RARB: variants seen among roughly 807,000 people sequenced by gnomAD.
RARB encodes retinoic acid receptor beta, also known as HBV-activated protein.
Under a neutral mutation model 51.9 loss-of-function variants are expected in RARB, and 17 were observed. The observed-to-expected ratio is 0.33, with a 90% CI of 0.22 to 0.49. RARB has a LOEUF of 0.49. RARB is among the 20% of genes least tolerant of loss of function. The pLI is 0.99. For missense variants in RARB, 369 were observed against 550.8 expected (o/e 0.67, Z 3.30); for synonymous variants, 215 against 195.4 (o/e 1.10, Z -0.84).
intron 5 of RARB, chr3:25,174,621 T>A: frequency 7.5e-7 from 1 of 1,335,362 alleles, no homozygotes; most frequent in South Asian, 1.1e-5. Flanking sequence ...GTTGATTGGA[T>A]GAAGGGACCT....
chr3:25,159,792 C>T (rs1056229283), intron 4 of RARB, among the ~76,000 whole-genome samples: 1 of 152,156 alleles, frequency 6.6e-6, no homozygotes, highest in African/African-American at 2.4e-5. Context: ...CTTAAAATGT[C>T]ATTTCCTAAT....
chr3:25,108,056 A>C (rs1603983), intron 3 of RARB, among the ~76,000 whole-genome samples: 115,950 of 152,034 alleles, frequency 0.76, 44,464 homozygotes, highest in East Asian at 0.87. Flanking sequence ...CTGATCACCG[A>C]GCTCTATTAA....
chr3:25,181,775 T>G (rs1700866228), intron 5 of RARB, among the ~76,000 whole-genome samples: 1 of 152,172 alleles, frequency 6.6e-6, no homozygotes, highest in Non-Finnish European at 1.5e-5. Flanking sequence ...AAGTCAGTAG[T>G]AGGTTGATCT....
intron 5 of RARB, among the ~76,000 whole-genome samples, chr3:25,246,271 C>T (rs1702558433): frequency 6.6e-6 from 1 of 152,016 alleles, no homozygotes; most frequent in African/African-American, 2.4e-5. Context: ...GAACATGCTC[C>T]TTTAGCACGG....
intron 2 of RARB, among the ~76,000 whole-genome samples, chr3:25,461,930 AG>A (rs1383940593): frequency 6.6e-6 from 1 of 152,238 alleles, no homozygotes; most frequent in African/African-American, 2.4e-5. Context: ...ACTGGTTGGA[AG>A]AATCTTGAAA....
In RARB at chr3:25,315,674, C is replaced by T. The variant is rs1159163414; in HGVS notation, c.178+141099C>T. Among the ~76,000 whole-genome samples, 5 of 152,114 alleles carry T rather than the reference C, an allele frequency of 3.3e-5. No individual in the cohort carries two copies. The South Asian group carries it at 6.2e-4, about 19-fold the overall frequency. On this transcript the variant is annotated intron_variant, in intron 5 of 11. Coordinates refer to the RARB transcript ENST00000383772. Reference sequence around the variant, plus strand: ...TGTCGCCCAGGCTGGAGTACAGTGCCGCAGTCTCAGCTCACTGCAACCTCT... The same window carrying T: ...TGTCGCCCAGGCTGGAGTACAGTGCTGCAGTCTCAGCTCACTGCAACCTCT...
At chr3:25,554,397 G>A (rs561772400) in intron 3 of RARB, among the ~76,000 whole-genome samples, 4 of 151,950 alleles carry the variant, frequency 2.6e-5, no homozygotes, top group Admixed American at 1.3e-4. Flanking sequence ...GGTTAAACCC[G>A]GCCCACTGCT....
In RARB at chr3:25,258,993, C is replaced by T. The variant is rs193063443; in HGVS notation, c.178+84418C>T. On this transcript the variant is annotated intron_variant, in intron 5 of 11. Transcript: ENST00000383772. ...ACCTCAGCCTGAGTTTTGCTGGGGA[C>T]AAACCATAGTATATGGTGTCTGAGA... 7.0e-5 allele frequency: 68 copies of T among 968,022 alleles called. 1 individual carries two copies. The Admixed American group carries it at 2.2e-3, about 32-fold the overall frequency. The allele number at this position is 968,022 out of a possible 1,614,324, so 60.0% of individuals were successfully genotyped here.
chr3:25,439,067 A>C (rs936852072), intron 1 of RARB, among the ~76,000 whole-genome samples: 6 of 152,168 alleles, frequency 3.9e-5, no homozygotes, highest in African/African-American at 1.4e-4. Flanking sequence ...AGAAGATGAG[A>C]GATGGGAAAC....
intron 5 of RARB, among the ~76,000 whole-genome samples, chr3:25,260,479 G>A (rs988246405): frequency 5.3e-5 from 8 of 151,988 alleles, no homozygotes; most frequent in Admixed American, 1.3e-4. Context: ...CCTCCAAAGG[G>A]CAGAAGAAAA....
chr3:25,041,479 T>C (rs1698113381), intron 2 of RARB, among the ~76,000 whole-genome samples: 1 of 151,946 alleles, frequency 6.6e-6, no homozygotes. Context: ...CTGACATCCT[T>C]AGTGGACGGA....
chr3:25,029,021 T>A (rs1010872260), intron 2 of RARB, among the ~76,000 whole-genome samples: 2 of 152,224 alleles, frequency 1.3e-5, no homozygotes, highest in Admixed American at 1.3e-4. Context: ...GATGGGAGTA[T>A]TCCTTTCCAA....
chr3:25,199,077 G>A (rs1701318221), intron 5 of RARB, among the ~76,000 whole-genome samples: 1 of 152,140 alleles, frequency 6.6e-6, no homozygotes, highest in African/African-American at 2.4e-5. Flanking sequence ...TAAAGGAAAT[G>A]TGGTATGTAT....
At chr3:25,190,992 C>G (rs1428274931) in intron 5 of RARB, among the ~76,000 whole-genome samples, 1 of 151,724 alleles carries the variant, frequency 6.6e-6, no homozygotes, top group African/African-American at 2.4e-5. Context: ...CGCCCATCAT[C>G]TAACTCTTTT....
intron 1 of RARB, among the ~76,000 whole-genome samples, chr3:25,437,632 C>G (rs942778804): frequency 3.9e-4 from 59 of 152,208 alleles, no homozygotes; most frequent in Non-Finnish European, 1.5e-5. Flanking sequence ...GAACTAAGAA[C>G]TGCCAAGAAC....
chr3:25,081,074 A>G (rs1042261235), intron 3 of RARB, among the ~76,000 whole-genome samples: 2 of 152,064 alleles, frequency 1.3e-5, no homozygotes. Flanking sequence ...TCTCATGGTG[A>G]AAATTTAGAT....
Position 25,528,465 on chromosome 3 carries a change from C to T in RARB, c.448+27142C>T, listed in dbSNP as rs142423375. On this transcript the variant is annotated intron_variant, in intron 3 of 7. Coordinates refer to ENST00000330688, the MANE Select transcript of RARB (RefSeq NM_000965.5). ...CCATGCTGTGTTTGGAACCAGCCAT[C>T]CTCTGATTGTTGAACTGAGGTAACT... Among the ~76,000 whole-genome samples, 406 of 152,120 alleles carry T rather than the reference C, an allele frequency of 2.7e-3. 3 individuals are homozygous for T. The highest frequency in any genetic ancestry group is 9.2e-3 in the African/African-American group (383 of 41,512).
intron 1 of RARB, among the ~76,000 whole-genome samples, chr3:25,439,246 G>T (rs1268169027): frequency 6.6e-6 from 1 of 152,210 alleles, no homozygotes; most frequent in Non-Finnish European, 1.5e-5. Context: ...TGATAGTAAA[G>T]TCGAATTAAT....
chr3:25,011,700 T>G (rs1411891463), intron 2 of RARB, among the ~76,000 whole-genome samples: 1 of 152,120 alleles, frequency 6.6e-6, no homozygotes, highest in Non-Finnish European at 1.5e-5. Flanking sequence ...TCATACCTAC[T>G]CTGGCAATTA....
Sources: gnomAD v4.1 joint callset for allele counts (sites outside exome capture counted in the v4.1 genomes callset) on GRCh38, gnomAD v4.1.1 for gene constraint, MANE v1.5 for transcripts, NCBI Gene and HGNC (gene_info 2026-07-23, HGNC 2026-07-21) for gene names.